Variants in TM2D2 observed in about 807,000 individuals in gnomAD.
TM2D2 encodes the protein TM2 domain containing 2, also known as TM2 domain-containing protein 2.
Under a neutral mutation model 23.0 loss-of-function variants are expected in TM2D2, and 19 were observed. The observed-to-expected ratio is 0.82, with a 90% CI of 0.58 to 1.21. TM2D2 has a LOEUF of 1.21. Ranked by LOEUF, TM2D2 falls within the 50% of genes most tolerant of loss-of-function variation. TM2D2 has a pLI of 0.00. For missense variants in TM2D2, 246 were observed against 265.4 expected, an observed-to-expected ratio of 0.93 and a Z score of 0.51; for synonymous variants, 120 against 108.8, an observed-to-expected ratio of 1.10 and a Z score of -0.64.
At position 38,991,749 on chromosome 8, in the gene TM2D2, G is replaced by A. The variant is rs186881646; in HGVS notation, c.432-204C>T. Among the ~76,000 whole-genome samples, 220 of 152,262 alleles carry A rather than the reference G, an allele frequency of 1.4e-3. 1 individual carries two copies. The highest frequency in any genetic ancestry group is 5.2e-3 in the African/African-American group (214 of 41,542). ...GTTTATTATACTCATAGGTCCCAGA[G>A]ACAGGAGGCACATCATGTTATACAA... is the stretch of plus-strand genomic sequence containing the variant. On this transcript the variant is annotated intron_variant, in intron 3 of 3. Transcript: ENST00000456397.
chr8:38,993,655 G>A lies in TM2D2; in HGVS notation c.321C>T (p.Gly107=), dbSNP rs751468082. The A allele has an allele frequency of 1.5e-4, 237 of 1,612,174 alleles. 2 individuals carry two copies. In the South Asian group the frequency reaches 1.7e-3, roughly 12 times the overall value. Residue 107 remains glycine (G), a synonymous_variant, in exon 3 of 4, where the codon GGC becomes GGT. Coordinates refer to ENST00000456397, the MANE Select transcript of TM2D2 (RefSeq NM_078473.3). The part of the protein sequence containing the change: ...QELGYGCLKF[G]GQAYSDVEHT... ...GTTCCACGTCGCTGTAGGCCTGACC[G>A]CCGAACTGTGGAATAACAACCAAGA...
intron 1 of TM2D2, 101 bp downstream of exon 1, chr8:38,996,112 T>C: frequency 7.4e-7 from 1 of 1,354,202 alleles, no homozygotes; most frequent in East Asian, 2.5e-5. Context: ...AGAGGCAGGG[T>C]CTGAAAAAAT....
intron 2 of TM2D2, chr8:38,994,044 G>A (rs1161018614): frequency 6.5e-6 from 1 of 152,716 alleles, no homozygotes; most frequent in Non-Finnish European, 1.5e-5. Flanking sequence ...ATATTTACAG[G>A]AAAAAGAGCA....
intron 1 of TM2D2, among the ~76,000 whole-genome samples, chr8:38,995,990 C>T (rs990670189): frequency 6.6e-6 from 1 of 152,182 alleles, no homozygotes; most frequent in East Asian, 1.9e-4. Flanking sequence ...TTACTCCTAC[C>T]CAGTTTTCCT....
At chr8:38,995,439 A>T (rs776606969) in intron 1 of TM2D2, 34 bp from the exon 2 acceptor site, 8 of 1,608,034 alleles carry the variant, frequency 5.0e-6, no homozygotes, top group Middle Eastern at 1.6e-4. Flanking sequence ...GATCATCATC[A>T]TACGGTCTTT....
At chr8:38,996,659 T>C, upstream of TM2D2, 1 of 1,429,060 alleles carries the variant, frequency 7.0e-7, no homozygotes, top group Non-Finnish European at 9.1e-7. Flanking sequence ...CTTCTGCTTC[T>C]CGATTCCTCT....
At position 38,991,527 on chromosome 8, in the gene TM2D2, G is replaced by A. The variant is rs1369788903; in HGVS notation, c.450C>T (p.Phe150=). 1.2e-6 allele frequency: 2 copies of A among 1,613,752 alleles called. No individual in the cohort carries two copies. Among genetic ancestry groups the A allele is most frequent in the South Asian group, 1.1e-5 (1 of 91,074 alleles). ...AGAAGGAGTAGAGTAAAGTGGTTAT[G>A]AAGTAGTGTCCGGTATACCTAGGTG... The part of the protein sequence containing the change: ...KPCIKYTGHY[F]ITTLLYSFFL... Residue 150 remains phenylalanine (F), a synonymous_variant, in exon 4 of 4, where the codon TTC becomes TTT. Coordinates refer to ENST00000456397, the MANE Select transcript of TM2D2 (RefSeq NM_078473.3).
intron 3 of TM2D2, among the ~76,000 whole-genome samples, chr8:38,992,833 C>T (rs1453854709): frequency 1.3e-5 from 2 of 152,122 alleles, no homozygotes; most frequent in Non-Finnish European, 2.9e-5. Context: ...TTTTGAGCAG[C>T]GAAAAGCGAG....
chr8:38,995,755 CT>C, intron 1 of TM2D2: 1 of 1,263,016 alleles, frequency 7.9e-7, no homozygotes, highest in Non-Finnish European at 1.0e-6. Context: ...AATGCCTTTT[CT>C]TGTTTGATCA....
Position 38,990,156 on chromosome 8 carries a change from G to T in TM2D2, c.*1176C>A, listed in dbSNP as rs531593836. On this transcript the variant is annotated 3_prime_UTR_variant, in exon 4 of 4. Coordinates refer to ENST00000456397, the MANE Select transcript of TM2D2 (RefSeq NM_078473.3). Reference sequence around the variant, plus strand: ...TGATTAATCAGGAATGATAAAGCAAGAAATTCTTAGGAAAGCTACAAAATG... The same window carrying T: ...TGATTAATCAGGAATGATAAAGCAATAAATTCTTAGGAAAGCTACAAAATG... 3 of 152,300 alleles carry T rather than the reference G, an allele frequency of 2.0e-5. No individual in the cohort carries two copies. The highest frequency in any genetic ancestry group is 7.2e-5 in the African/African-American group (3 of 41,578). 9.4% of individuals were successfully genotyped at this position (152,300 alleles called of 1,614,324 possible).
chr8:38,996,625 C>T, upstream of TM2D2: 6 of 1,438,202 alleles, frequency 4.2e-6, no homozygotes, highest in South Asian at 1.5e-5. Flanking sequence ...GTCGAGCAGA[C>T]GGGCGGGGCT....
intron 3 of TM2D2, among the ~76,000 whole-genome samples, chr8:38,993,211 C>A (rs1835654535): frequency 6.6e-6 from 1 of 152,202 alleles, no homozygotes; most frequent in African/African-American, 2.4e-5. Context: ...AGAGTCCTCT[C>A]TACTATAAAC....
rs1441616311 is a variant in TM2D2 at position 38,989,549 on chromosome 8, A to C, written c.*1783T>G. On this transcript the variant is annotated 3_prime_UTR_variant, in exon 4 of 4. Transcript: ENST00000456397. Reference sequence around the variant, plus strand: ...TGGCCAGGCTGGTCTCGAACTCCTGACCTTAAAGGATTCACCTGCCTCGGC... The same window carrying C: ...TGGCCAGGCTGGTCTCGAACTCCTGCCCTTAAAGGATTCACCTGCCTCGGC... 6.6e-6 allele frequency: 1 copy of C among 152,150 alleles called. No individual in the cohort carries two copies. Among genetic ancestry groups the C allele is most frequent in the Non-Finnish European group, 1.5e-5 (1 of 68,060 alleles). 9.4% of individuals were successfully genotyped at this position (152,150 alleles called of 1,614,324 possible). A position where few individuals can be genotyped will look rare whatever the true frequency, so the allele number is the denominator to read the frequency against.
chr8:38,991,633 C>A, intron 3 of TM2D2, 88 bp from the exon 4 acceptor site: 1 of 977,066 alleles, frequency 1.0e-6, no homozygotes. Context: ...AGTGATGAGA[C>A]AGTGCAGTGG....
chr8:38,991,039 A>T lies in TM2D2; in HGVS notation c.*293T>A. 2.3e-6 allele frequency: 1 copy of T among 435,636 alleles called. No homozygotes were observed. The highest frequency in any genetic ancestry group is 2.4e-5 in the South Asian group (1 of 41,364). The allele number at this position is 435,636 out of a possible 1,614,324, so 27.0% of individuals were successfully genotyped here. A position where few individuals can be genotyped will look rare whatever the true frequency, so the allele number is the denominator to read the frequency against. ...GATATAGCAATGTACAGAAAGGAAG[A>T]CTATGGAAACCCATCCACAGCTTGT... On this transcript the variant is annotated 3_prime_UTR_variant, in exon 4 of 4. Coordinates refer to ENST00000456397, the MANE Select transcript of TM2D2 (RefSeq NM_078473.3).
chr8:38,996,976 C>G (rs1185358217), upstream of TM2D2: 44 of 1,529,848 alleles, frequency 2.9e-5, no homozygotes, highest in Non-Finnish European at 3.6e-5. Context: ...CCCGGCCAGA[C>G]TTGGGGCCCC....
Position 38,991,246 on chromosome 8 carries a change from T to C in TM2D2, c.*86A>G, listed in dbSNP as rs1835589280. 6 of 1,107,788 alleles carry C rather than the reference T, an allele frequency of 5.4e-6. No individual in the cohort carries two copies. Among genetic ancestry groups the C allele is most frequent in the South Asian group, 2.7e-5 (2 of 72,824 alleles). 68.6% of individuals were successfully genotyped at this position (1,107,788 alleles called of 1,614,324 possible). ...AGAAGGAAAATAACATCAGGTCTGA[T>C]ATCAAAGAGGAGTTTTGAGCCTGTA... On this transcript the variant is annotated 3_prime_UTR_variant, in exon 4 of 4. Transcript: ENST00000456397.
chr8:38,991,567 GA>G, intron 3 of TM2D2, 22 bp from the exon 4 acceptor site: 4 of 1,585,446 alleles, frequency 2.5e-6, no homozygotes, highest in Non-Finnish European at 3.5e-6. Flanking sequence ...GAATGAAAAG[GA>G]AGATGTTTTA....
At chr8:38,995,446 C>G in intron 1 of TM2D2, 41 bp from the exon 2 acceptor site, 1 of 1,602,764 alleles carries the variant, frequency 6.2e-7, no homozygotes, top group Non-Finnish European at 8.5e-7. Context: ...ATCATACGGT[C>G]TTTGCAAATC....
Sources: allele counts gnomAD v4.1 joint callset (sites outside exome capture counted in the v4.1 genomes callset), GRCh38; gene constraint gnomAD v4.1.1; transcripts MANE v1.5; gene names NCBI Gene and HGNC (gene_info 2026-07-23, HGNC 2026-07-21).